The following MICAL3 variants were observed in gnomAD, a reference collection of about 807,000 sequenced individuals.
MICAL3 encodes the protein [F-actin]-monooxygenase MICAL3.
Under a neutral mutation model 207.4 loss-of-function variants are expected in MICAL3, and 62 were observed. That is an observed-to-expected ratio of 0.30 (90% CI 0.24 to 0.37). The LOEUF is 0.37. Among genes scored for constraint, MICAL3 ranks in the 10% least tolerant of loss-of-function variants. The pLI is 1.00. For synonymous variants in MICAL3, 1,077 were observed against 1,069.3 expected, an observed-to-expected ratio of 1.01 and a Z score of -0.14; for missense variants, 2,368 against 2,635.6, an observed-to-expected ratio of 0.90 and a Z score of 2.22.
intron 16 of MICAL3, among the ~76,000 whole-genome samples, chr22:17,877,329 G>A (rs1450005268): frequency 1.7e-5 from 2 of 119,188 alleles, no homozygotes; most frequent in Non-Finnish European, 3.3e-5. Context: ...GGTTAGGGAG[G>A]TTATGGAGGT....
intron 20 of MICAL3, among the ~76,000 whole-genome samples, chr22:17,835,002 C>G (rs549750982): frequency 2.6e-5 from 4 of 152,218 alleles, no homozygotes; most frequent in Non-Finnish European, 5.9e-5. Context: ...CAGGGCAGGG[C>G]CGCACTGCAG....
At chr22:17,849,492 G>A (rs1381296868) in intron 19 of MICAL3, among the ~76,000 whole-genome samples, 3 of 151,820 alleles carry the variant, frequency 2.0e-5, no homozygotes, top group Admixed American at 6.6e-5. Context: ...GCGCCATCAC[G>A]CCTGGCTAAT....
intron 1 of MICAL3, among the ~76,000 whole-genome samples, chr22:17,984,762 T>C (rs1313561056): frequency 6.6e-6 from 1 of 152,224 alleles, no homozygotes; most frequent in Non-Finnish European, 1.5e-5. Context: ...ATGCATTTTA[T>C]AAATATAAAT....
chr22:17,834,035 A>G (rs1246382970), intron 20 of MICAL3, among the ~76,000 whole-genome samples: 1 of 152,186 alleles, frequency 6.6e-6, no homozygotes, highest in East Asian at 1.9e-4. Flanking sequence ...GAGCTCTAGC[A>G]AACTATCAAA....
chr22:17,818,624 C>T lies in MICAL3; in HGVS notation c.4037G>A (p.Ser1346Asn). The change falls in exon 26 of 32, where the codon AGC becomes AAC. Residue 1346 changes from serine (S) to asparagine (N), a missense_variant. Physicochemically the swap from Ser to Asn is conservative, Grantham distance 46 (BLOSUM62 1). Coordinates refer to ENST00000441493, the MANE Select transcript of MICAL3 (RefSeq NM_015241.3). ...RSLGLTPVDR[S>N]KGPEPSFPTP... ...GGGGAAGCTGGGCTCGGGCCCCTTG[C>T]TGCGGTCCACAGGTGTGAGCCCGAG... The T allele has an allele frequency of 1.9e-6, 3 of 1,613,638 alleles. No individual in the cohort carries two copies. Among genetic ancestry groups the T allele is most frequent in the Non-Finnish European group, 2.5e-6 (3 of 1,179,908 alleles).
Position 17,985,248 on chromosome 22 carries a change from TGCA to T in MICAL3, c.-75+39030_-75+39032del, listed in dbSNP as rs745313488. On this transcript the variant is annotated intron_variant, in intron 1 of 31. Coordinates refer to ENST00000441493, the MANE Select transcript of MICAL3 (RefSeq NM_015241.3). Reference sequence around the variant, plus strand: ...GGGAGGGGACAGCCCCTGCCTTTTGTGCAGCAGAATGCCCGAGCGTGCTGCGTG... The same window carrying T: ...GGGAGGGGACAGCCCCTGCCTTTTGTGCAGAATGCCCGAGCGTGCTGCGTG... Among the ~76,000 whole-genome samples, 9 of 152,272 alleles carry T rather than the reference TGCA, an allele frequency of 5.9e-5. No homozygotes were observed. In the East Asian group the frequency reaches 1.7e-3, roughly 30 times the overall value.
intron 19 of MICAL3, chr22:17,861,551 A>G: frequency 7.1e-6 from 7 of 985,428 alleles, no homozygotes; most frequent in Non-Finnish European, 8.4e-6. Flanking sequence ...GACAAAAACG[A>G]ATTCAAGAAA....
chr22:17,889,894 C>T (rs894481244), intron 12 of MICAL3, among the ~76,000 whole-genome samples: 1 of 152,176 alleles, frequency 6.6e-6, no homozygotes, highest in Admixed American at 6.5e-5. Flanking sequence ...AATGTCAAAA[C>T]ATGATACATC....
intron 1 of MICAL3, among the ~76,000 whole-genome samples, chr22:18,020,654 C>T (rs983480539): frequency 1.4e-5 from 2 of 142,388 alleles, no homozygotes; most frequent in Non-Finnish European, 3.0e-5. Flanking sequence ...CAGTGGCTCA[C>T]ACCTGTAATC....
intron 21 of MICAL3, among the ~76,000 whole-genome samples, chr22:17,830,005 G>C (rs1922629256): frequency 6.6e-6 from 1 of 152,190 alleles, no homozygotes; most frequent in East Asian, 1.9e-4. Flanking sequence ...GCTCTTGGAG[G>C]CAAATTTTGG....
chr22:17,992,039 T>C, intron 1 of MICAL3, among the ~76,000 whole-genome samples: 1 of 152,136 alleles, frequency 6.6e-6, no homozygotes, highest in East Asian at 1.9e-4. Context: ...CCACCCACCG[T>C]TGCTAGAGCA....
intron 1 of MICAL3, among the ~76,000 whole-genome samples, chr22:17,999,132 T>A (rs946487978): frequency 3.3e-5 from 5 of 152,110 alleles, no homozygotes; most frequent in Non-Finnish European, 7.4e-5. Flanking sequence ...TTCATCTGGT[T>A]CCACCTGGAC....
chr22:17,945,381 G>A (rs571308342), intron 1 of MICAL3, among the ~76,000 whole-genome samples: 118 of 152,274 alleles, frequency 7.7e-4, no homozygotes, highest in African/African-American at 2.8e-3. Context: ...AGGGTCCTTG[G>A]CCAGCTCCCT....
chr22:17,898,284 T>A (rs1231297558), intron 7 of MICAL3, among the ~76,000 whole-genome samples: 1 of 152,248 alleles, frequency 6.6e-6, no homozygotes, highest in Non-Finnish European at 1.5e-5. Flanking sequence ...AATGTAACCC[T>A]GATGTAGTCC....
chr22:17,980,981 T>C (rs5992941), intron 1 of MICAL3: 119,454 of 490,964 alleles, frequency 0.24, 16,472 homozygotes, highest in African/African-American at 0.45. Flanking sequence ...ATTGGTCCCC[T>C]CCAGACACTG....
chr22:17,827,903 A>G (rs1922367574), intron 21 of MICAL3, 122 bp from the exon 22 acceptor site: 1 of 1,071,108 alleles, frequency 9.3e-7, no homozygotes, highest in Admixed American at 2.6e-5. Context: ...ATCAGAAAGA[A>G]GTAAAAATTA....
intron 16 of MICAL3, among the ~76,000 whole-genome samples, chr22:17,883,559 G>A (rs1929615169): frequency 6.6e-6 from 1 of 152,126 alleles, no homozygotes; most frequent in Non-Finnish European, 1.5e-5. Context: ...GCCAACCCTG[G>A]CTCCACTCGA....
At chr22:18,023,511 G>C (rs1433184786) in intron 1 of MICAL3, among the ~76,000 whole-genome samples, 2 of 152,218 alleles carry the variant, frequency 1.3e-5, no homozygotes, top group South Asian at 2.1e-4. Context: ...GAGAGAGGAG[G>C]GAAGGGGTTG....
Position 17,789,212 on chromosome 22 carries a change from T to A in MICAL3, c.*1520A>T, listed in dbSNP as rs1330237085. 1 of 152,270 alleles carries A rather than the reference T, an allele frequency of 6.6e-6. No homozygotes were observed. Among genetic ancestry groups the A allele is most frequent in the African/African-American group, 2.4e-5 (1 of 41,462 alleles). The allele number at this position is 152,270 out of a possible 1,614,324, so 9.4% of individuals were successfully genotyped here. A position where few individuals can be genotyped will look rare whatever the true frequency, so the allele number is the denominator to read the frequency against. On this transcript the variant is annotated 3_prime_UTR_variant, in exon 32 of 32. Transcript: ENST00000441493. Reference sequence around the variant, plus strand: ...GGAAGGGCGGGAGTCGCTGATCTGCTTGAGAGGCACCAGCCTGCATCCCAG... The same window carrying A: ...GGAAGGGCGGGAGTCGCTGATCTGCATGAGAGGCACCAGCCTGCATCCCAG...
Sources: allele counts gnomAD v4.1 joint callset (sites outside exome capture counted in the v4.1 genomes callset), GRCh38; gene constraint gnomAD v4.1.1; transcripts MANE v1.5; gene names NCBI Gene and HGNC (gene_info 2026-07-23, HGNC 2026-07-21).